The following NR2C2 variants were observed in gnomAD, a reference collection of about 807,000 sequenced individuals.
NR2C2 encodes nuclear receptor subfamily 2 group C member 2.
NR2C2 carries 6 observed loss-of-function variants against 62.9 expected under a neutral mutation model. That is an observed-to-expected ratio of 0.10 (90% CI 0.05 to 0.19). NR2C2 has a LOEUF of 0.19. Ranked by LOEUF, NR2C2 falls within the 10% of genes least tolerant of loss-of-function variation. NR2C2 has a pLI of 1.00. For synonymous variants in NR2C2, 272 were observed against 273.8 expected (o/e 0.99, Z 0.07); for missense variants, 479 against 762.7 (o/e 0.63, Z 4.38).
chr3:15,024,757 C>CA (rs1265300440), intron 7 of NR2C2, among the ~76,000 whole-genome samples: 2 of 152,212 alleles, frequency 1.3e-5, no homozygotes, highest in Non-Finnish European at 2.9e-5. Flanking sequence ...CCAGGGAACT[C>CA]ACTGTTTGTC....
intron 1 of NR2C2, among the ~76,000 whole-genome samples, chr3:14,958,327 A>G (rs2039586049): frequency 6.6e-6 from 1 of 151,266 alleles, no homozygotes; most frequent in South Asian, 2.1e-4. Flanking sequence ...CCAGAGGAAG[A>G]TCTTCTGTAG....
At chr3:14,961,506 A>G (rs1355323163) in intron 1 of NR2C2, among the ~76,000 whole-genome samples, 1 of 152,182 alleles carries the variant, frequency 6.6e-6, no homozygotes, top group Non-Finnish European at 1.5e-5. Flanking sequence ...GGACCTTGGG[A>G]CCTATACAGT....
intron 1 of NR2C2, among the ~76,000 whole-genome samples, chr3:14,952,716 G>C (rs1244060037): frequency 6.6e-6 from 1 of 152,136 alleles, no homozygotes; most frequent in Non-Finnish European, 1.5e-5. Context: ...TTGGAGGTTT[G>C]CTTGCCTTCA....
intron 1 of NR2C2, among the ~76,000 whole-genome samples, chr3:14,954,032 A>C (rs2039449546): frequency 6.6e-6 from 1 of 151,930 alleles, no homozygotes; most frequent in African/African-American, 2.4e-5. Context: ...AACATTTTGG[A>C]TATGTCATTT....
chr3:15,012,011 A>G (rs924858424), intron 2 of NR2C2, among the ~76,000 whole-genome samples: 6 of 152,230 alleles, frequency 3.9e-5, no homozygotes, highest in Non-Finnish European at 5.9e-5. Flanking sequence ...TAGTTCTATG[A>G]TGGTGGGACC....
In NR2C2 at chr3:14,958,455, G is replaced by A. The variant is rs1428842229; in HGVS notation, c.-40+10549G>A. Among the ~76,000 whole-genome samples the A allele has an allele frequency of 2.0e-5, 3 of 152,034 alleles. No homozygotes were observed. In the East Asian group the frequency reaches 5.8e-4, roughly 29 times the overall value. On this transcript the variant is annotated intron_variant, in intron 1 of 13. Coordinates refer to ENST00000425241, the MANE Select transcript of NR2C2 (RefSeq NM_001291694.2). The stretch of plus-strand genomic sequence containing the variant: ...GGCAATCTTTGAAGGTTAACAAGCT[G>A]AATGGGTGAAGTACTAGCCTTTAGG...
chr3:14,974,147 T>C (rs2040133782), intron 1 of NR2C2, among the ~76,000 whole-genome samples: 1 of 152,230 alleles, frequency 6.6e-6, no homozygotes, highest in Admixed American at 6.5e-5. Flanking sequence ...TCTATGAATT[T>C]GACTATTGAT....
At chr3:14,965,986 G>A (rs2039842721) in intron 1 of NR2C2, among the ~76,000 whole-genome samples, 1 of 152,072 alleles carries the variant, frequency 6.6e-6, no homozygotes, top group Admixed American at 6.6e-5. Flanking sequence ...GTTATTTTGA[G>A]GAATAAGTAT....
chr3:15,023,030 G>A (rs1162260712), intron 5 of NR2C2, among the ~76,000 whole-genome samples, 170 bp from the exon 6 acceptor site: 1 of 152,104 alleles, frequency 6.6e-6, no homozygotes, highest in Non-Finnish European at 1.5e-5. Context: ...ACATGGCATG[G>A]TTTGGCTTTA....
chr3:15,044,531 C>CT lies in NR2C2; in HGVS notation c.*1524dup, dbSNP rs2042383621. ...GATGTGAATATATAGCAAGCTTTTC[C>CT]TGTTTGAGAACAGTGGCATGTGGAA... On this transcript the variant is annotated 3_prime_UTR_variant, in exon 14 of 14. Coordinates refer to ENST00000425241, the MANE Select transcript of NR2C2 (RefSeq NM_001291694.2). 1 of 152,244 alleles carries CT rather than the reference C, an allele frequency of 6.6e-6. No individual in the cohort carries two copies. The highest frequency in any genetic ancestry group is 2.4e-5 in the African/African-American group (1 of 41,460). The allele number at this position is 152,244 out of a possible 1,614,324, so 9.4% of individuals were successfully genotyped here.
intron 4 of NR2C2, among the ~76,000 whole-genome samples, chr3:15,018,465 G>A (rs955287842): frequency 2.0e-5 from 3 of 152,130 alleles, no homozygotes; most frequent in South Asian, 2.1e-4. Flanking sequence ...TAGACATTTC[G>A]CAAAAGAAGA....
At chr3:14,949,725 G>C (rs999739692) in intron 1 of NR2C2, among the ~76,000 whole-genome samples, 1 of 152,160 alleles carries the variant, frequency 6.6e-6, no homozygotes, top group African/African-American at 2.4e-5. Flanking sequence ...ATACAAAAAA[G>C]TAAGACACTG....
chr3:14,960,290 A>G (rs1262622289), intron 1 of NR2C2, among the ~76,000 whole-genome samples: 1 of 152,240 alleles, frequency 6.6e-6, no homozygotes, highest in African/African-American at 2.4e-5. Flanking sequence ...ACTTATCAAC[A>G]AAAAATTAAT....
At chr3:15,014,757 T>C (rs1178107292) in intron 3 of NR2C2, among the ~76,000 whole-genome samples, 3 of 152,212 alleles carry the variant, frequency 2.0e-5, no homozygotes, top group Admixed American at 2.0e-4. Context: ...TGTGACTGGC[T>C]TATTTCACCC....
intron 8 of NR2C2, 64 bp downstream of exon 8, chr3:15,028,783 T>G: frequency 6.4e-7 from 1 of 1,555,138 alleles, no homozygotes. Context: ...ATTGTGAGGG[T>G]GGAAAACAGC....
At chr3:15,014,309 C>G (rs1223346536) in intron 3 of NR2C2, among the ~76,000 whole-genome samples, 1 of 152,018 alleles carries the variant, frequency 6.6e-6, no homozygotes, top group African/African-American at 2.4e-5. Context: ...GAGGACAGTC[C>G]ACAGCAAGGA....
In NR2C2 at chr3:15,044,058, G is replaced by A. The variant is rs1231768359; in HGVS notation, c.*1050G>A. 2 of 152,162 alleles carry A rather than the reference G, an allele frequency of 1.3e-5. No individual in the cohort carries two copies. Among genetic ancestry groups the A allele is most frequent in the Admixed American group, 6.5e-5 (1 of 15,282 alleles). The allele number at this position is 152,162 out of a possible 1,614,324, so 9.4% of individuals were successfully genotyped here. On this transcript the variant is annotated 3_prime_UTR_variant, in exon 14 of 14. Transcript: ENST00000425241. ...GGAGTGTGAGCGTTACCTTCCCAGG[G>A]CTTTCCACTCCAAATGCCCCCTTGA... is the stretch of plus-strand genomic sequence containing the variant.
chr3:14,980,677 T>C (rs557847038), intron 1 of NR2C2, among the ~76,000 whole-genome samples: 1 of 152,264 alleles, frequency 6.6e-6, no homozygotes, highest in African/African-American at 2.4e-5. Context: ...AAATTCCTAA[T>C]AAACAGAGTA....
chr3:15,009,826 T>A (rs2041299883), intron 2 of NR2C2, among the ~76,000 whole-genome samples: 2 of 152,178 alleles, frequency 1.3e-5, no homozygotes, highest in African/African-American at 4.8e-5. Flanking sequence ...CTCTTAAGGT[T>A]CTAGGAGAGT....
Sources: gnomAD v4.1 joint callset for allele counts (sites outside exome capture counted in the v4.1 genomes callset) on GRCh38, gnomAD v4.1.1 for gene constraint, MANE v1.5 for transcripts, NCBI Gene and HGNC (gene_info 2026-07-23, HGNC 2026-07-21) for gene names.